The following ANKRD60 variants were observed in gnomAD, a reference collection of about 807,000 sequenced individuals.
ANKRD60 encodes the protein ankyrin repeat domain-containing protein 60.
Under a neutral mutation model 21.3 loss-of-function variants are expected in ANKRD60, and 24 were observed. The observed-to-expected ratio is 1.13, with a 90% CI of 0.82 to 1.59. The LOEUF (loss-of-function observed/expected upper bound fraction) is 1.59. ANKRD60 is among the 40% of genes most tolerant of loss of function. ANKRD60 has a pLI of 0.00. For missense variants in ANKRD60, 490 were observed against 466.7 expected, an observed-to-expected ratio of 1.05 and a Z score of -0.46; for synonymous variants, 182 against 199.4, an observed-to-expected ratio of 0.91 and a Z score of 0.74.
intron 3 of ANKRD60, among the ~76,000 whole-genome samples, chr20:58,220,706 G>A (rs1432026245): frequency 6.7e-5 from 10 of 149,738 alleles, no homozygotes; most frequent in African/African-American, 2.5e-4. Context: ...GTGTGTGTGT[G>A]TGTGTGTGTG....
intron 1 of ANKRD60, among the ~76,000 whole-genome samples, chr20:58,225,229 G>C (rs1984341738): frequency 1.3e-5 from 2 of 152,110 alleles, no homozygotes; most frequent in Non-Finnish European, 1.5e-5. Context: ...TAGCTCTCTT[G>C]GATTAATAGC....
intron 1 of ANKRD60, 125 bp from the exon 2 acceptor site, chr20:58,223,307 A>C: frequency 1.2e-6 from 1 of 855,380 alleles, no homozygotes; most frequent in Non-Finnish European, 1.7e-6. Flanking sequence ...ATCGAATACA[A>C]ATCTCATTTG....
rs1270491792 is a variant in ANKRD60 at position 58,228,016 on chromosome 20, G to C, written c.430+208C>G. On this transcript the variant is annotated intron_variant, in intron 1 of 3. Transcript: ENST00000457363. This position sits in a 1 kb window ranked among gnomAD's most constrained non-coding sequence, Gnocchi z 5.3. ...TTTGCCTTGATTGGGAGTCCAATTT[G>C]AACGCCGTGTGTTTGAGATTGGGAA... Among the ~76,000 whole-genome samples the C allele has an allele frequency of 1.3e-5, 2 of 152,254 alleles. No homozygotes were observed. Among genetic ancestry groups the C allele is most frequent in the East Asian group, 3.9e-4 (2 of 5,166 alleles).
Position 58,223,628 on chromosome 20 carries a change from C to CA in ANKRD60, c.431-447dup, listed in dbSNP as rs200149434. 4.0e-3 allele frequency among the ~76,000 whole-genome samples: 608 copies of CA among 152,008 alleles called. 6 individuals are homozygous for CA. The highest frequency in any genetic ancestry group is 0.037 in the South Asian group (180 of 4,808). ...TACCTGGCTAAAGAGGTGACAATGA[C>CA]AAAAAAAATGTTGGATCTTTCAAAT... On this transcript the variant is annotated intron_variant, in intron 1 of 3. Coordinates refer to ENST00000457363, the Ensembl canonical transcript of ANKRD60.
intron 2 of ANKRD60, 31 bp from the exon 3 acceptor site, chr20:58,221,534 C>T (rs1984253105): frequency 6.5e-7 from 1 of 1,547,216 alleles, no homozygotes; most frequent in Admixed American, 2.0e-5. Context: ...TTGAGTTATT[C>T]TCAAAAGCGT....
At chr20:58,222,037 G>A (rs1333084666) in intron 2 of ANKRD60, among the ~76,000 whole-genome samples, 1 of 152,172 alleles carries the variant, frequency 6.6e-6, no homozygotes, top group East Asian at 1.9e-4. Context: ...GTTCCCCCAG[G>A]GAGGATACTC....
chr20:58,220,489 C>CAGAGAGAGAGAGAGAGAG (rs11469843), intron 3 of ANKRD60, among the ~76,000 whole-genome samples: 11 of 144,268 alleles, frequency 7.6e-5, no homozygotes, highest in African/African-American at 1.3e-4. Context: ...TCAAGAGAGC[C>CAGAGAGAGAGAGAGAGAG]AGAGAGAGAG....
At chr20:58,218,481 G>A (rs750755385), downstream of ANKRD60, 29 of 1,541,898 alleles carry the variant, frequency 1.9e-5, no homozygotes, top group African/African-American at 8.2e-5. Context: ...GCGGGCAAAC[G>A]TTCCCACCAG....
rs542930192 is a variant in ANKRD60, at chr20:58,222,694, G to A, written c.561+358C>T. ...TGGCGGAGGCCTGTACCACAGCCCC[G>A]AGCTCTGAGCTGTACGCTTCTCAGT... is the stretch of plus-strand genomic sequence containing the variant. On this transcript the variant is annotated intron_variant, in intron 2 of 3. Transcript: ENST00000457363. Among the ~76,000 whole-genome samples, 44 of 152,296 alleles carry A rather than the reference G, an allele frequency of 2.9e-4. 2 individuals carry two copies. Among genetic ancestry groups the A allele is most frequent in the Admixed American group, 1.7e-3 (26 of 15,290 alleles).
At chr20:58,223,144 C>T in exon 2 of ANKRD60, 1 of 1,551,482 alleles carries the variant, frequency 6.4e-7, no homozygotes, top group Non-Finnish European at 8.7e-7. Context: ...CCAGGAACAA[C>T]ATCATGGAAC....
chr20:58,220,499 GAGA>G (rs1984225226), intron 3 of ANKRD60, among the ~76,000 whole-genome samples: 1 of 151,766 alleles, frequency 6.6e-6, no homozygotes, highest in African/African-American at 2.4e-5. Flanking sequence ...CAGAGAGAGA[GAGA>G]GAGAGAGAGA....
chr20:58,216,365 AT>A (rs1984136239), downstream of ANKRD60, among the ~76,000 whole-genome samples: 2 of 152,198 alleles, frequency 1.3e-5, no homozygotes, highest in Non-Finnish European at 2.9e-5. Flanking sequence ...AGAATTTTAC[AT>A]ATAGGAGTCA....
At chr20:58,219,527 CA>C (rs1355835775) in intron 3 of ANKRD60, among the ~76,000 whole-genome samples, 1 of 152,200 alleles carries the variant, frequency 6.6e-6, no homozygotes, top group Admixed American at 6.5e-5. Context: ...GACTCATGGA[CA>C]GATTTCACTT....
At chr20:58,217,196 C>T (rs751876377), downstream of ANKRD60, among the ~76,000 whole-genome samples, 34 of 151,964 alleles carry the variant, frequency 2.2e-4, no homozygotes, top group Non-Finnish European at 4.4e-4. Context: ...TTTGGGAGGC[C>T]GAGGGGGGCA....
At position 58,228,350 on chromosome 20, in the gene ANKRD60, C is replaced by G. The variant is rs912620678; in HGVS notation, c.304G>C (p.Glu102Gln). ...GCCACTCGGAACATCTCCCCCGTCT[C>G]CTCCAGCCGCACCCGCAGGACGAAG... The change falls in exon 1 of 4, where the codon GAG (glutamate) becomes CAG (glutamine). Residue 102 changes from glutamate (E) to glutamine (Q), a missense_variant. Transcript: ENST00000457363. This position sits in a 1 kb window ranked among gnomAD's most constrained non-coding sequence, Gnocchi z 5.3. The G allele has an allele frequency of 1.3e-5, 20 of 1,550,808 alleles. No individual in the cohort carries two copies. The African/African-American group carries it at 2.7e-4, about 21-fold the overall frequency.
chr20:58,221,871 T>C (rs147688887), intron 2 of ANKRD60, among the ~76,000 whole-genome samples: 76 of 152,266 alleles, frequency 5.0e-4, no homozygotes, highest in African/African-American at 1.6e-3. Context: ...AGGGTGACAG[T>C]CATCTCTTGG....
At chr20:58,226,249 GCTGT>G (rs1984361752) in intron 1 of ANKRD60, among the ~76,000 whole-genome samples, 1 of 152,178 alleles carries the variant, frequency 6.6e-6, no homozygotes, top group Non-Finnish European at 1.5e-5. Flanking sequence ...AGTAAGGTTT[GCTGT>G]CTGTTTGGGG....
intron 1 of ANKRD60, among the ~76,000 whole-genome samples, chr20:58,226,164 C>T (rs773183925): frequency 8.5e-5 from 13 of 152,074 alleles, no homozygotes; most frequent in South Asian, 2.1e-4. Context: ...GGGGTTCAAA[C>T]GTAGATAGCA....
chr20:58,225,443 TC>T, intron 1 of ANKRD60, among the ~76,000 whole-genome samples: 1 of 152,324 alleles, frequency 6.6e-6, no homozygotes, highest in South Asian at 2.1e-4. Context: ...GAGAGCATCT[TC>T]CAAACACTCC....
Sources: allele counts gnomAD v4.1 joint callset (sites outside exome capture counted in the v4.1 genomes callset), GRCh38; gene constraint gnomAD v4.1.1; non-coding constraint Gnocchi (gnomAD v3.1); transcripts MANE v1.5; gene names NCBI Gene and HGNC (gene_info 2026-07-23, HGNC 2026-07-21).